The following SLC35E1 variants were observed in gnomAD, a reference collection of about 807,000 sequenced individuals.
The protein encoded by SLC35E1 is solute carrier family 35 member E1, also known as solute carrier family 35, member E1.
In SLC35E1, 12 loss-of-function variants were observed where a neutral mutation model predicts 31.0. That is an observed-to-expected ratio of 0.39 (90% CI 0.25 to 0.63). The LOEUF (loss-of-function observed/expected upper bound fraction) is 0.63. Among genes scored for constraint, SLC35E1 ranks in the 20% least tolerant of loss-of-function variants. The pLI, the probability that SLC35E1 is intolerant of heterozygous loss-of-function variation, is 0.52. For synonymous variants in SLC35E1, 257 were observed against 264.1 expected (o/e 0.97, Z 0.26); for missense variants, 429 against 572.2 (o/e 0.75, Z 2.55).
chr19:16,561,789 AG>A (rs1319404795), intron 4 of SLC35E1, among the ~76,000 whole-genome samples: 1 of 152,234 alleles, frequency 6.6e-6, no homozygotes, highest in South Asian at 2.1e-4. Flanking sequence ...CAAGACAAAG[AG>A]GGGGAACCCA....
intron 4 of SLC35E1, among the ~76,000 whole-genome samples, chr19:16,558,971 T>C (rs2085890637): frequency 6.6e-6 from 1 of 151,060 alleles, no homozygotes; most frequent in Non-Finnish European, 1.5e-5. Context: ...GGTTTCTCCA[T>C]GTTGGTCAGG....
chr19:16,563,270 GC>G (rs35330148), intron 4 of SLC35E1, among the ~76,000 whole-genome samples: 5,480 of 152,008 alleles, frequency 0.036, 237 homozygotes, highest in Admixed American at 0.088. Flanking sequence ...GCTGCAGTGA[GC>G]CGAGAACATG....
chr19:16,561,791 G>A (rs535796371), intron 4 of SLC35E1, among the ~76,000 whole-genome samples: 1 of 152,156 alleles, frequency 6.6e-6, no homozygotes, highest in South Asian at 2.1e-4. Flanking sequence ...AGACAAAGAG[G>A]GGGAACCCAG....
intron 5 of SLC35E1, among the ~76,000 whole-genome samples, chr19:16,554,822 A>G (rs1290475465): frequency 6.8e-6 from 1 of 147,144 alleles, no homozygotes; most frequent in Non-Finnish European, 1.5e-5. Context: ...TCCATCTCGA[A>G]AAAAAAAAAA....
intron 4 of SLC35E1, among the ~76,000 whole-genome samples, chr19:16,563,914 GA>G (rs1758092901): frequency 6.6e-6 from 1 of 152,230 alleles, no homozygotes; most frequent in Non-Finnish European, 1.5e-5. Flanking sequence ...AAGCAACTAA[GA>G]AACGAGGAGC....
chr19:16,566,688 TTAAAAC>T, intron 3 of SLC35E1, 31 bp from the exon 4 acceptor site: 1 of 1,601,158 alleles, frequency 6.2e-7, no homozygotes, highest in Non-Finnish European at 8.5e-7. Context: ...TAGAGGGTGA[TTAAAAC>T]TATATGTGGC....
At chr19:16,564,517 G>A (rs969284125) in intron 4 of SLC35E1, among the ~76,000 whole-genome samples, 3 of 152,048 alleles carry the variant, frequency 2.0e-5, no homozygotes, top group African/African-American at 7.2e-5. Context: ...CGTTGGCCAG[G>A]CTGGTCTTGA....
chr19:16,566,871 A>G (rs1055207519), intron 3 of SLC35E1, among the ~76,000 whole-genome samples: 4 of 152,236 alleles, frequency 2.6e-5, no homozygotes, highest in Non-Finnish European at 5.9e-5. Flanking sequence ...GAAAACAAAA[A>G]TAAAACAGTA....
rs1428832152 is a variant in SLC35E1 at position 16,551,581 on chromosome 19, G to C, written c.*2098C>G. 6.6e-6 allele frequency: 1 copy of C among 152,002 alleles called. No homozygotes were observed. Among genetic ancestry groups the C allele is most frequent in the Non-Finnish European group, 1.5e-5 (1 of 68,010 alleles). The allele number at this position is 152,002 out of a possible 1,614,324, so 9.4% of individuals were successfully genotyped here. A position where few individuals can be genotyped will look rare whatever the true frequency, so the allele number is the denominator to read the frequency against. On this transcript the variant is annotated 3_prime_UTR_variant, in exon 6 of 6. Transcript: ENST00000595753. ...GCTGGGTGTGGTGATGAAGAAAGAA[G>C]GCAGCCATCACCTAAGACCCCACAA... is the stretch of plus-strand genomic sequence containing the variant.
intron 4 of SLC35E1, among the ~76,000 whole-genome samples, chr19:16,561,732 C>T (rs766504169): frequency 2.0e-5 from 3 of 152,168 alleles, no homozygotes; most frequent in African/African-American, 4.8e-5. Flanking sequence ...AACAGGACTG[C>T]GACGGTGCTA....
rs2085940521 is a variant in SLC35E1, at chr19:16,568,037, T to C, written c.625A>G (p.Lys209Glu). ...CGCTGATGGTGACCAAATACCTTTT[T>C]GGAGAAAATGTTCTGAAGCGAGAAG... ...LCFSLQNIFS[K>E]KVLRDSRIHH... The change falls in exon 3 of 6, where the codon AAA (lysine) becomes GAA (glutamate). Residue 209 changes from lysine (K) to glutamate (E), a missense_variant. Transcript: ENST00000595753. 6.2e-7 allele frequency: 1 copy of C among 1,609,720 alleles called. No individual in the cohort carries two copies. Among genetic ancestry groups the C allele is most frequent in the East Asian group, 2.2e-5 (1 of 44,502 alleles).
intron 4 of SLC35E1, among the ~76,000 whole-genome samples, chr19:16,561,773 G>A (rs1251468124): frequency 6.6e-6 from 1 of 152,210 alleles, no homozygotes; most frequent in Non-Finnish European, 1.5e-5. Flanking sequence ...GTCTATGTGG[G>A]AGACACAAGA....
Position 16,554,820 on chromosome 19 carries a change from GAAAAAA to G in SLC35E1, c.1002+326_1002+331del, listed in dbSNP as rs59402960. 5.3e-4 allele frequency among the ~76,000 whole-genome samples: 32 copies of G among 60,208 alleles called. 1 individual carries two copies. The highest frequency in any genetic ancestry group is 9.4e-4 in the Non-Finnish European group (29 of 30,990). 39.5% of individuals were successfully genotyped at this position (60,208 alleles called of 152,430 possible). ...GGGTGACAGAGCCAGACTCCATCTC[GAAAAAA>G]AAAAAAAAAAAAAAGAAAAGGAAAA... On this transcript the variant is annotated intron_variant, in intron 5 of 5. Transcript: ENST00000595753.
At position 16,553,523 on chromosome 19, in the gene SLC35E1, C is replaced by A; in HGVS notation, c.*156G>T. ...GCACTGCAGGCAACGCATCCTCCTG[C>A]GGCTCACGGGGGGCCAGGAACCCCA... On this transcript the variant is annotated 3_prime_UTR_variant, in exon 6 of 6. Coordinates refer to ENST00000595753, the MANE Select transcript of SLC35E1 (RefSeq NM_024881.5). 1 of 600,450 alleles carries A rather than the reference C, an allele frequency of 1.7e-6. No homozygotes were observed. Among genetic ancestry groups the A allele is most frequent in the Middle Eastern group, 4.9e-4 (1 of 2,046 alleles). 37.2% of individuals were successfully genotyped at this position (600,450 alleles called of 1,614,324 possible). A position where few individuals can be genotyped will look rare whatever the true frequency, so the allele number is the denominator to read the frequency against.
chr19:16,556,855 C>T lies in SLC35E1; in HGVS notation c.757-1458G>A. 3 of 471,212 alleles carry T rather than the reference C, an allele frequency of 6.4e-6. No individual in the cohort carries two copies. The East Asian group carries it at 2.1e-4, about 33-fold the overall frequency. The allele number at this position is 471,212 out of a possible 1,614,324, so 29.2% of individuals were successfully genotyped here. A position where few individuals can be genotyped will look rare whatever the true frequency, so the allele number is the denominator to read the frequency against. On this transcript the variant is annotated intron_variant, in intron 4 of 5. Transcript: ENST00000595753. ...CACGGTCCTCTCAAATGCAAGAAGA[C>T]ACGCTTAGGCGACCAGCTCAATGTC...
intron 4 of SLC35E1, among the ~76,000 whole-genome samples, chr19:16,557,828 T>C (rs1038369760): frequency 3.3e-5 from 5 of 152,166 alleles, no homozygotes; most frequent in African/African-American, 1.2e-4. Flanking sequence ...TTTTGTTTTG[T>C]TTTGAGACGG....
At chr19:16,562,969 C>T (rs981336717) in intron 4 of SLC35E1, among the ~76,000 whole-genome samples, 4 of 152,220 alleles carry the variant, frequency 2.6e-5, no homozygotes, top group African/African-American at 9.6e-5. Flanking sequence ...CTGCCTCTGC[C>T]TTCCAAAATA....
At chr19:16,568,436 G>A (rs1469242590) in intron 2 of SLC35E1, among the ~76,000 whole-genome samples, 2 of 152,236 alleles carry the variant, frequency 1.3e-5, no homozygotes, top group Non-Finnish European at 2.9e-5. Context: ...GCCACAGCCC[G>A]GGGCTGGTCC....
In SLC35E1 at chr19:16,572,312, G is replaced by C; in HGVS notation, c.53C>G (p.Ala18Gly). 1.5e-6 allele frequency: 2 copies of C among 1,296,822 alleles called. No individual in the cohort carries two copies. Among genetic ancestry groups the C allele is most frequent in the East Asian group, 6.7e-5 (2 of 29,882 alleles). The allele number at this position is 1,296,822 out of a possible 1,614,324, so 80.3% of individuals were successfully genotyped here. ...AGHGAGGPGA[A>G]SSSGGAREGA... ...CTCGCGCGCCCCACCACTGCTGCTC[G>C]CTGCGCCCGGGCCCCCCGCGCCGTG... The change falls in exon 1 of 6, where the codon GCG becomes GGG. Residue 18 changes from alanine (A) to glycine (G), a missense_variant. By Grantham distance (60) the Ala-to-Gly change is moderately conservative. Transcript: ENST00000595753. The surrounding 1 kb of genome is among the most constrained non-coding windows in gnomAD (Gnocchi z 4.1).
Sources: allele counts gnomAD v4.1 joint callset (sites outside exome capture counted in the v4.1 genomes callset), GRCh38; gene constraint gnomAD v4.1.1; non-coding constraint Gnocchi (gnomAD v3.1); transcripts MANE v1.5; gene names NCBI Gene and HGNC (gene_info 2026-07-23, HGNC 2026-07-21).